Variants in LRRC4C observed in about 807,000 individuals in gnomAD.
LRRC4C encodes the protein leucine-rich repeat-containing protein 4C.
A neutral mutation model predicts 33.6 loss-of-function variants in LRRC4C; 5 were observed. The ratio of observed to expected loss-of-function variants is 0.15; its 90% CI spans 0.08 to 0.31. The LOEUF (loss-of-function observed/expected upper bound fraction) is 0.31, where lower values mean the gene tolerates loss of function less well. Among genes scored for constraint, LRRC4C ranks in the 10% least tolerant of loss-of-function variants. The probability of loss-of-function intolerance (pLI) is 1.00; values close to 1 mark genes in which losing one functional copy is unlikely to be tolerated. For missense variants in LRRC4C, 560 were observed against 796.7 expected (o/e 0.70, Z 3.58); for synonymous variants, 329 against 302.0 (o/e 1.09, Z -0.93).
chr11:40,282,081 T>C (rs2136455954), intron 4 of LRRC4C, among the ~76,000 whole-genome samples: 1 of 152,158 alleles, frequency 6.6e-6, no homozygotes, highest in African/African-American at 2.4e-5. Flanking sequence ...CATCACTGGC[T>C]CTTCTAAATA....
chr11:41,024,992 G>C (rs1382228620), intron 1 of LRRC4C, among the ~76,000 whole-genome samples: 1 of 151,102 alleles, frequency 6.6e-6, no homozygotes, highest in Non-Finnish European at 1.5e-5. Context: ...TAATTGTTTT[G>C]GGGTGCCACA....
chr11:41,022,588 A>G (rs1422472169), intron 1 of LRRC4C, among the ~76,000 whole-genome samples: 1 of 151,874 alleles, frequency 6.6e-6, no homozygotes, highest in Non-Finnish European at 1.5e-5. Flanking sequence ...AGAAAAAAAA[A>G]TCCTGATATA....
rs536610350 is a variant in LRRC4C, at chr11:40,595,041, T to C, written c.-270+53101A>G. On this transcript the variant is annotated intron_variant, in intron 3 of 6. Transcript: ENST00000528697. ...TATTGAATAGTTTTTTTCTCTCATA[T>C]GGGTTTATCAGACTTTATTCATTTC... Among the ~76,000 whole-genome samples the C allele has an allele frequency of 2.0e-5, 3 of 152,220 alleles. No homozygotes were observed. The South Asian group carries it at 6.2e-4, about 32-fold the overall frequency.
At chr11:40,146,232 A>G (rs374220300) in intron 5 of LRRC4C, among the ~76,000 whole-genome samples, 1 of 152,198 alleles carries the variant, frequency 6.6e-6, no homozygotes, top group Non-Finnish European at 1.5e-5. Flanking sequence ...ACAAGTGAAG[A>G]TAAATGACAC....
intron 3 of LRRC4C, among the ~76,000 whole-genome samples, chr11:40,325,442 G>A (rs1346428823): frequency 2.0e-5 from 3 of 151,970 alleles, no homozygotes; most frequent in South Asian, 2.1e-4. Flanking sequence ...GATCAGCCTC[G>A]GCAATATAGC....
chr11:41,264,141 G>T (rs898196006), intron 1 of LRRC4C, among the ~76,000 whole-genome samples: 8 of 149,814 alleles, frequency 5.3e-5, no homozygotes, highest in Non-Finnish European at 1.0e-4. Flanking sequence ...TGCCAGGCTG[G>T]AGTGCAGTGG....
chr11:40,168,722 G>C (rs544538306), intron 5 of LRRC4C, among the ~76,000 whole-genome samples: 2 of 152,296 alleles, frequency 1.3e-5, no homozygotes, highest in Admixed American at 1.3e-4. Flanking sequence ...AACTTAAAAG[G>C]CTCCACACCA....
intron 1 of LRRC4C, among the ~76,000 whole-genome samples, chr11:41,346,558 C>T (rs1951809818): frequency 6.6e-6 from 1 of 152,088 alleles, no homozygotes; most frequent in African/African-American, 2.4e-5. Context: ...GAAAAATTAT[C>T]AAACCAATAC....
chr11:40,205,608 C>T (rs1863088814), intron 5 of LRRC4C, among the ~76,000 whole-genome samples: 1 of 152,154 alleles, frequency 6.6e-6, no homozygotes, highest in African/African-American at 2.4e-5. Flanking sequence ...CACCCTCCCT[C>T]CTTTCACTAC....
chr11:40,406,055 A>C (rs1949952900), intron 3 of LRRC4C, among the ~76,000 whole-genome samples: 1 of 152,124 alleles, frequency 6.6e-6, no homozygotes, highest in Non-Finnish European at 1.5e-5. Context: ...ATTAACATAC[A>C]TCCACAGATC....
chr11:41,218,067 C>T (rs59794259), intron 1 of LRRC4C, among the ~76,000 whole-genome samples: 25,274 of 151,498 alleles, frequency 0.17, 2,216 homozygotes, highest in Middle Eastern at 0.24. Context: ...TCTACACATA[C>T]GGCATGTGGT....
At chr11:40,771,134 A>G (rs184243328) in intron 2 of LRRC4C, among the ~76,000 whole-genome samples, 3 of 152,342 alleles carry the variant, frequency 2.0e-5, no homozygotes, top group Admixed American at 2.0e-4. Context: ...CTCCTGCAGC[A>G]AACTACTGCC....
At chr11:41,252,787 C>A (rs1330583500) in intron 1 of LRRC4C, among the ~76,000 whole-genome samples, 4 of 152,072 alleles carry the variant, frequency 2.6e-5, no homozygotes, top group African/African-American at 7.2e-5. Flanking sequence ...GAACGAGGAG[C>A]AAAGTCACAT....
intron 2 of LRRC4C, among the ~76,000 whole-genome samples, chr11:40,864,164 G>C (rs192278805): frequency 2.7e-4 from 41 of 152,192 alleles, no homozygotes; most frequent in African/African-American, 9.9e-4. Context: ...CACCTCCCGG[G>C]CTCAAGTGAT....
chr11:41,174,661 T>C (rs186118062), intron 1 of LRRC4C, among the ~76,000 whole-genome samples: 1 of 152,276 alleles, frequency 6.6e-6, no homozygotes, highest in East Asian at 1.9e-4. Context: ...TCAACTGCAT[T>C]TTGAACACAC....
At chr11:41,119,963 T>C (rs1290566459) in intron 1 of LRRC4C, among the ~76,000 whole-genome samples, 2 of 152,180 alleles carry the variant, frequency 1.3e-5, no homozygotes, top group East Asian at 3.9e-4. Context: ...AGTAGCATTC[T>C]TTCTGGGAGT....
At chr11:41,117,598 G>A (rs1169027773) in intron 1 of LRRC4C, among the ~76,000 whole-genome samples, 1 of 152,038 alleles carries the variant, frequency 6.6e-6, no homozygotes, top group African/African-American at 2.4e-5. Context: ...TTCATTTAAT[G>A]GGATATTGCA....
chr11:40,638,488 A>G (rs529073596), intron 3 of LRRC4C, among the ~76,000 whole-genome samples: 6 of 152,346 alleles, frequency 3.9e-5, no homozygotes, highest in African/African-American at 1.2e-4. Flanking sequence ...TATAAAATAG[A>G]AATAATTGTA....
intron 3 of LRRC4C, among the ~76,000 whole-genome samples, chr11:40,453,081 A>G (rs981621467): frequency 7.9e-5 from 12 of 152,094 alleles, no homozygotes; most frequent in African/African-American, 2.9e-4. Flanking sequence ...ACCTAATGTT[A>G]AATGACGAGT....
Sources: allele counts gnomAD v4.1 joint callset (sites outside exome capture counted in the v4.1 genomes callset), GRCh38; gene constraint gnomAD v4.1.1; transcripts MANE v1.5; gene names NCBI Gene and HGNC (gene_info 2026-07-23, HGNC 2026-07-21).